Variants in WDR86 observed in about 807,000 individuals in gnomAD.
WDR86 encodes the protein WD repeat domain 86.
WDR86 carries 30 observed loss-of-function variants against 36.5 expected under a neutral mutation model. The ratio of observed to expected loss-of-function variants is 0.82; its 90% confidence interval spans 0.61 to 1.11. The LOEUF is 1.11. Among genes scored for constraint, WDR86 ranks in the 50% most tolerant of loss-of-function variants. WDR86 has a pLI of 0.00. For missense variants in WDR86, 545 were observed against 561.2 expected (o/e 0.97, Z 0.29); for synonymous variants, 255 against 252.9 (o/e 1.01, Z -0.08).
chr7:151,378,518 C>A (rs1049310553), downstream of WDR86: 3 of 152,232 alleles, frequency 2.0e-5, no homozygotes, highest in African/African-American at 7.2e-5. Flanking sequence ...GTCTGGGTGA[C>A]TAGCTCTTCA....
intron 3 of WDR86, among the ~76,000 whole-genome samples, chr7:151,385,670 C>T (rs1022168454): frequency 6.6e-6 from 1 of 152,200 alleles, no homozygotes; most frequent in African/African-American, 2.4e-5. Context: ...GGGTGTGAGG[C>T]AGACTTCTGC....
Position 151,401,918 on chromosome 7 carries a change from G to A in WDR86, c.164-1677C>T, listed in dbSNP as rs1339579097. Among the ~76,000 whole-genome samples the A allele has an allele frequency of 1.3e-5, 2 of 150,476 alleles. No homozygotes were observed. The highest frequency in any genetic ancestry group is 2.4e-5 in the African/African-American group (1 of 40,912). On this transcript the variant is annotated intron_variant, in intron 1 of 5. Transcript: ENST00000334493. This position sits in a 1 kb window ranked among gnomAD's most constrained non-coding sequence, Gnocchi z 4.3. Reference sequence around the variant, plus strand: ...CAAAAAATTAGCCGGGCGTGGTGGTGGGCGCCTGTAATCCCAGCTACTCGG... The same window carrying A: ...CAAAAAATTAGCCGGGCGTGGTGGTAGGCGCCTGTAATCCCAGCTACTCGG...
In WDR86 at chr7:151,381,769, C is replaced by A; in HGVS notation, c.967-23G>T. The A allele has an allele frequency of 1.4e-6, 2 of 1,447,150 alleles. No individual in the cohort carries two copies. Among genetic ancestry groups the A allele is most frequent in the South Asian group, 2.7e-5 (2 of 74,320 alleles). 89.6% of individuals were successfully genotyped at this position (1,447,150 alleles called of 1,614,324 possible). A position where few individuals can be genotyped will look rare whatever the true frequency, so the allele number is the denominator to read the frequency against. On this transcript the variant is annotated intron_variant, in intron 5 of 5. Transcript: ENST00000334493. The surrounding 1 kb of genome is among the most constrained non-coding windows in gnomAD (Gnocchi z 4.8). ...CACCTGCGGGCGCAGGGGCGGGCGT[C>A]ACCGGTGACGCGGTAGGCGGGGGGG...
chr7:151,375,754 G>A, downstream of WDR86: 1 of 814,976 alleles, frequency 1.2e-6, no homozygotes, highest in Non-Finnish European at 2.1e-6. Context: ...GCAGAGGACG[G>A]CGGGGTCTGC....
intron 1 of WDR86, among the ~76,000 whole-genome samples, chr7:151,404,634 C>A (rs1285743170): frequency 1.3e-5 from 2 of 152,200 alleles, no homozygotes; most frequent in Non-Finnish European, 2.9e-5. Flanking sequence ...CCTCCAGGGG[C>A]TGCAGTGATT....
downstream of WDR86, among the ~76,000 whole-genome samples, chr7:151,373,007 A>G (rs764284550): frequency 1.3e-5 from 2 of 152,096 alleles, no homozygotes; most frequent in Non-Finnish European, 2.9e-5. Flanking sequence ...GCCTGCTCCT[A>G]CTGTGGGGCC....
Position 151,396,152 on chromosome 7 carries a change from C to A in WDR86, c.350G>T (p.Arg117Leu), listed in dbSNP as rs764755740. The A allele has an allele frequency of 1.9e-5, 31 of 1,612,838 alleles. No homozygotes were observed. Among genetic ancestry groups the A allele is most frequent in the Non-Finnish European group, 2.4e-5 (28 of 1,179,888 alleles). ...NNQLFSSSYD[R>L]TARVWSVDKG... ...GTCCACACTCCAGACCCGAGCTGTCCGGTCATAGGAGCTGCTGAAGAGCTG... is the reference window on the plus strand; with the variant it reads ...GTCCACACTCCAGACCCGAGCTGTCAGGTCATAGGAGCTGCTGAAGAGCTG... The change falls in exon 3 of 6, where the codon CGG becomes CTG. Residue 117 changes from arginine (R) to leucine (L), a missense_variant. Physicochemically the swap from Arg to Leu is moderately radical, Grantham distance 102. Coordinates refer to ENST00000334493, the MANE Select transcript of WDR86 (RefSeq NM_198285.3).
Position 151,406,412 on chromosome 7 carries a change from G to A in WDR86, c.163+3015C>T, listed in dbSNP as rs1443580972. On this transcript the variant is annotated intron_variant, in intron 1 of 5. Transcript: ENST00000334493. This position sits in a 1 kb window ranked among gnomAD's most constrained non-coding sequence, Gnocchi z 4.4. Reference sequence around the variant, plus strand: ...CTCTAGAGGAAAAGCGTACGTAGGAGTCGCCAGCCCCAGCCACTCTGCTCG... The same window carrying A: ...CTCTAGAGGAAAAGCGTACGTAGGAATCGCCAGCCCCAGCCACTCTGCTCG... Among the ~76,000 whole-genome samples the A allele has an allele frequency of 6.6e-6, 1 of 152,214 alleles. No individual in the cohort carries two copies. The highest frequency in any genetic ancestry group is 1.5e-5 in the Non-Finnish European group (1 of 68,040).
Position 151,406,538 on chromosome 7 carries a change from A to G in WDR86, c.163+2889T>C, listed in dbSNP as rs185574600. On this transcript the variant is annotated intron_variant, in intron 1 of 5. Coordinates refer to ENST00000334493, the MANE Select transcript of WDR86 (RefSeq NM_198285.3). This position sits in a 1 kb window ranked among gnomAD's most constrained non-coding sequence, Gnocchi z 4.4. Reference sequence around the variant, plus strand: ...AAAGAGATCTAGATTTAGAGTTAGGATGCTTCTAGGGATGGGGCCACCACA... The same window carrying G: ...AAAGAGATCTAGATTTAGAGTTAGGGTGCTTCTAGGGATGGGGCCACCACA... Among the ~76,000 whole-genome samples the G allele has an allele frequency of 2.5e-4, 38 of 152,264 alleles. No homozygotes were observed. In the East Asian group the frequency reaches 6.9e-3, roughly 28 times the overall value.
chr7:151,405,795 C>A lies in WDR86; in HGVS notation c.163+3632G>T. Among the ~76,000 whole-genome samples the A allele has an allele frequency of 6.6e-6, 1 of 152,146 alleles. No homozygotes were observed. Among genetic ancestry groups the A allele is most frequent in the East Asian group, 1.9e-4 (1 of 5,174 alleles). ...CTTCACAGGGAGTCTCCTATGCCAC[C>A]GGCTCCCAGCAAATGGGAATGTGGG... On this transcript the variant is annotated intron_variant, in intron 1 of 5. Transcript: ENST00000334493. The surrounding 1 kb of genome is among the most constrained non-coding windows in gnomAD (Gnocchi z 4.7).
intron 3 of WDR86, among the ~76,000 whole-genome samples, chr7:151,391,576 G>A (rs1437028576): frequency 1.3e-5 from 2 of 152,136 alleles, no homozygotes; most frequent in Non-Finnish European, 2.9e-5. Flanking sequence ...TCTGCGCACC[G>A]GGTCTGGGGC....
intron 2 of WDR86, among the ~76,000 whole-genome samples, chr7:151,396,972 G>C (rs1273418914): frequency 6.6e-6 from 1 of 152,210 alleles, no homozygotes. Flanking sequence ...TTGTATTCAC[G>C]ACTCTTATTT....
At chr7:151,398,275 T>C (rs1457994809) in intron 2 of WDR86, among the ~76,000 whole-genome samples, 1 of 152,000 alleles carries the variant, frequency 6.6e-6, no homozygotes, top group East Asian at 1.9e-4. Flanking sequence ...GTAAGTTGTG[T>C]GTATGGGTGC....
downstream of WDR86, among the ~76,000 whole-genome samples, chr7:151,380,181 C>A (rs1176026069): frequency 6.6e-6 from 1 of 152,118 alleles, no homozygotes; most frequent in Non-Finnish European, 1.5e-5. Flanking sequence ...GGGTGGGGGT[C>A]GGGGGCACTT....
At chr7:151,396,920 A>G (rs967588348) in intron 2 of WDR86, among the ~76,000 whole-genome samples, 1 of 152,252 alleles carries the variant, frequency 6.6e-6, no homozygotes, top group African/African-American at 2.4e-5. Flanking sequence ...GAGTCCATCC[A>G]TTCAGTGCAA....
intron 4 of WDR86, among the ~76,000 whole-genome samples, chr7:151,383,184 G>T (rs972205648): frequency 8.7e-5 from 13 of 149,582 alleles, no homozygotes; most frequent in Admixed American, 2.0e-4. Flanking sequence ...GGGGTGGGGG[G>T]GGGGAGCTGG....
chr7:151,402,071 ATATATAT>A (rs1275314912), intron 1 of WDR86, among the ~76,000 whole-genome samples: 13 of 45,480 alleles, frequency 2.9e-4, no homozygotes, highest in Non-Finnish European at 3.7e-4. Flanking sequence ...AAAAAAAAAA[ATATATAT>A]ATATATATAT....
chr7:151,376,599 G>A, downstream of WDR86: 1 of 1,561,738 alleles, frequency 6.4e-7, no homozygotes, highest in Non-Finnish European at 8.7e-7. Context: ...AGAGGCGCCA[G>A]GGGCTGATGC....
intron 1 of WDR86, among the ~76,000 whole-genome samples, chr7:151,404,557 A>G (rs1800574549): frequency 6.6e-6 from 1 of 152,182 alleles, no homozygotes. Context: ...CCTGGAGCTG[A>G]GGCCCCCACC....
Sources: gnomAD v4.1 joint callset for allele counts (sites outside exome capture counted in the v4.1 genomes callset) on GRCh38, gnomAD v4.1.1 for gene constraint, Gnocchi (gnomAD v3.1) non-coding constraint, MANE v1.5 for transcripts, NCBI Gene and HGNC (gene_info 2026-07-23, HGNC 2026-07-21) for gene names.